Variants in FAM83B observed in about 807,000 individuals in gnomAD.
The protein encoded by FAM83B is scaffolding CK1 anchoring protein B.
In FAM83B, 26 loss-of-function variants were observed where a neutral mutation model predicts 38.8. The observed-to-expected ratio is 0.67, with a 90% CI of 0.49 to 0.93. FAM83B has a LOEUF of 0.93. Among genes scored for constraint, FAM83B ranks in the 40% least tolerant of loss-of-function variants. The pLI is 0.00. For missense variants in FAM83B, 1,237 were observed against 1,197.3 expected (o/e 1.03, Z -0.49); for synonymous variants, 419 against 423.1 (o/e 0.99, Z 0.12).
intron 2 of FAM83B, among the ~76,000 whole-genome samples, chr6:54,909,934 A>G (rs1436631812): frequency 6.6e-6 from 1 of 152,222 alleles, no homozygotes; most frequent in Non-Finnish European, 1.5e-5. Flanking sequence ...GGGAAAGTAC[A>G]TGGCCATCAG....
intron 4 of FAM83B, among the ~76,000 whole-genome samples, chr6:54,932,826 A>G (rs1484023352): frequency 6.6e-6 from 1 of 152,142 alleles, no homozygotes; most frequent in East Asian, 1.9e-4. Flanking sequence ...AAAGTCACTG[A>G]TAGTCTAATG....
chr6:54,921,363 C>T (rs764795983), intron 2 of FAM83B, among the ~76,000 whole-genome samples: 7 of 151,088 alleles, frequency 4.6e-5, no homozygotes, highest in Non-Finnish European at 8.9e-5. Context: ...TAGGTGTCCT[C>T]CGGGGTCTGG....
chr6:54,931,369 T>G (rs550699204), intron 4 of FAM83B, among the ~76,000 whole-genome samples: 3 of 152,194 alleles, frequency 2.0e-5, no homozygotes, highest in African/African-American at 7.2e-5. Context: ...CATTCATTAT[T>G]GAAAGTAGAG....
Position 54,944,977 on chromosome 6 carries a change from C to CTCAACATTTGAGTAG in FAM83B, c.*2970_*2971insTCAACATTTGAGTAG, listed in dbSNP as rs1252100672. 2 of 152,102 alleles carry CTCAACATTTGAGTAG rather than the reference C, an allele frequency of 1.3e-5. No individual in the cohort carries two copies. Among genetic ancestry groups the CTCAACATTTGAGTAG allele is most frequent in the Admixed American group, 1.3e-4 (2 of 15,268 alleles). The allele number at this position is 152,102 out of a possible 1,614,324, so 9.4% of individuals were successfully genotyped here. On this transcript the variant is annotated 3_prime_UTR_variant, in exon 5 of 5. Coordinates refer to ENST00000306858, the MANE Select transcript of FAM83B (RefSeq NM_001010872.3). Reference sequence around the variant, plus strand: ...GTCCTGGGCTCAAACGATCCTCCAGCCTCAGGTTCCTGAGTAGCTCAACAT... The same window carrying CTCAACATTTGAGTAG: ...GTCCTGGGCTCAAACGATCCTCCAGCTCAACATTTGAGTAGCTCAGGTTCCTGAGTAGCTCAACAT...
intron 2 of FAM83B, among the ~76,000 whole-genome samples, chr6:54,921,824 T>G (rs1442991099): frequency 6.6e-6 from 1 of 152,066 alleles, no homozygotes; most frequent in Non-Finnish European, 1.5e-5. Flanking sequence ...ATGTAATAAT[T>G]TCAGATCAGA....
chr6:54,903,956 G>A (rs1772719939), intron 2 of FAM83B, among the ~76,000 whole-genome samples: 1 of 151,260 alleles, frequency 6.6e-6, no homozygotes, highest in Admixed American at 6.6e-5. Flanking sequence ...AGATTTCATG[G>A]CAACCCTTAT....
chr6:54,872,226 C>T (rs1054039339), intron 2 of FAM83B, among the ~76,000 whole-genome samples: 2 of 152,140 alleles, frequency 1.3e-5, no homozygotes, highest in African/African-American at 4.8e-5. Context: ...AGTGACCAAA[C>T]TTTTATTGAA....
Position 54,926,532 on chromosome 6 carries a change from C to A in FAM83B, c.606C>A (p.Leu202=). The change falls in exon 3 of 5, where the codon CTC becomes CTA. Residue 202 remains leucine (L), a synonymous_variant. Coordinates refer to ENST00000306858, the MANE Select transcript of FAM83B (RefSeq NM_001010872.3). ...TEKQGCSVQR[L]RNIRVRTVKG... Reference sequence around the variant, plus strand: ...AACAAGGTTGTTCAGTTCAGCGTCTCAGGGTAAGAATTCTGTTTTTTTTTT... The same window carrying A: ...AACAAGGTTGTTCAGTTCAGCGTCTAAGGGTAAGAATTCTGTTTTTTTTTT... 1 of 1,550,544 alleles carries A rather than the reference C, an allele frequency of 6.4e-7. No homozygotes were observed. Among genetic ancestry groups the A allele is most frequent in the South Asian group, 1.2e-5 (1 of 80,234 alleles).
chr6:54,877,439 G>A (rs1772025981), intron 2 of FAM83B, among the ~76,000 whole-genome samples: 1 of 152,092 alleles, frequency 6.6e-6, no homozygotes, highest in Non-Finnish European at 1.5e-5. Context: ...TGCATTTTAA[G>A]GATTCTGCCT....
chr6:54,869,009 T>C (rs1771781538), intron 1 of FAM83B, among the ~76,000 whole-genome samples: 1 of 152,162 alleles, frequency 6.6e-6, no homozygotes, highest in South Asian at 2.1e-4. Flanking sequence ...AGATCATGAC[T>C]TCAAAAGACT....
At chr6:54,927,794 C>T (rs10948871) in intron 4 of FAM83B, among the ~76,000 whole-genome samples, 162 bp downstream of exon 4, 7,977 of 143,984 alleles carry the variant, frequency 0.055, 719 homozygotes, top group African/African-American at 0.19. Context: ...AGGTTTGAGT[C>T]ATGAGTCTGC....
intron 2 of FAM83B, among the ~76,000 whole-genome samples, chr6:54,900,140 G>A (rs891939289): frequency 1.3e-5 from 2 of 152,094 alleles, no homozygotes; most frequent in African/African-American, 4.8e-5. Flanking sequence ...ATTCATTTCT[G>A]TAGCACATAT....
intron 1 of FAM83B, among the ~76,000 whole-genome samples, chr6:54,852,558 C>T (rs1771330124): frequency 6.6e-6 from 1 of 152,160 alleles, no homozygotes; most frequent in South Asian, 2.1e-4. Flanking sequence ...AATAACTCTA[C>T]CAGGGCCTTT....
intron 2 of FAM83B, among the ~76,000 whole-genome samples, chr6:54,898,853 A>T (rs1772595071): frequency 6.6e-6 from 1 of 152,118 alleles, no homozygotes. Flanking sequence ...CTGTTTCAGG[A>T]ACTTTTTAAC....
In FAM83B at chr6:54,944,284, C is replaced by T. The variant is rs1773760235; in HGVS notation, c.*2277C>T. The T allele has an allele frequency of 6.6e-6, 1 of 151,862 alleles. No individual in the cohort carries two copies. Among genetic ancestry groups the T allele is most frequent in the African/African-American group, 2.4e-5 (1 of 41,354 alleles). The allele number at this position is 151,862 out of a possible 1,614,324, so 9.4% of individuals were successfully genotyped here. On this transcript the variant is annotated 3_prime_UTR_variant, in exon 5 of 5. Coordinates refer to ENST00000306858, the MANE Select transcript of FAM83B (RefSeq NM_001010872.3). ...GCCATATACTTTCTGTCTTTTTTTC[C>T]CCATATTAATATTGGGGGGCGGATA...
intron 2 of FAM83B, among the ~76,000 whole-genome samples, chr6:54,920,156 T>G (rs1160071887): frequency 1.3e-5 from 2 of 151,962 alleles, no homozygotes; most frequent in Non-Finnish European, 2.9e-5. Flanking sequence ...AGGTACTTCT[T>G]TATATCAGCC....
intron 2 of FAM83B, among the ~76,000 whole-genome samples, chr6:54,884,299 T>TTAAA (rs375928508): frequency 3.0e-4 from 25 of 82,278 alleles, no homozygotes; most frequent in Non-Finnish European, 3.6e-4. Flanking sequence ...AGACCCCGTC[T>TTAAA]AAAAAAAAAA....
At chr6:54,915,812 CAAAA>C (rs58597609) in intron 2 of FAM83B, among the ~76,000 whole-genome samples, 15 of 18,048 alleles carry the variant, frequency 8.3e-4, no homozygotes, top group African/African-American at 1.2e-3. Context: ...GACTCCGTCT[CAAAA>C]AAAAAAAAAA....
At chr6:54,887,405 C>G (rs1772304455) in intron 2 of FAM83B, among the ~76,000 whole-genome samples, 1 of 152,200 alleles carries the variant, frequency 6.6e-6, no homozygotes, top group Admixed American at 6.5e-5. Flanking sequence ...GGTCCTGGAA[C>G]TGGAACTGTG....
Sources: allele counts gnomAD v4.1 joint callset (sites outside exome capture counted in the v4.1 genomes callset), GRCh38; gene constraint gnomAD v4.1.1; transcripts MANE v1.5; gene names NCBI Gene and HGNC (gene_info 2026-07-23, HGNC 2026-07-21).